Variants in RAD17 observed in about 807,000 individuals in gnomAD.
The protein encoded by RAD17 is cell cycle checkpoint protein RAD17.
A neutral mutation model predicts 81.5 loss-of-function variants in RAD17; 31 were observed. That is an observed-to-expected ratio of 0.38 (90% CI 0.29 to 0.51). The LOEUF (loss-of-function observed/expected upper bound fraction) is 0.51. Among genes scored for constraint, RAD17 ranks in the 20% least tolerant of loss-of-function variants. RAD17 has a pLI of 0.88. For synonymous variants in RAD17, 261 were observed against 266.2 expected (o/e 0.98, Z 0.19); for missense variants, 681 against 781.2 (o/e 0.87, Z 1.53).
chr5:69,385,949 A>G, intron 8 of RAD17, 94 bp from the exon 9 acceptor site: 1 of 1,190,694 alleles, frequency 8.4e-7, no homozygotes, highest in Non-Finnish European at 1.1e-6. Context: ...ACATTGAATA[A>G]ATATATTTTT....
chr5:69,386,234 C>T lies in RAD17; in HGVS notation c.753C>T (p.Leu251=). ...CPLIFIISDS[L]SGDNNQRLLF... ...TTATATTTATAATCTCGGACAGTCTCAGTGGAGATAATAATCAAAGGTTAT... is the reference window on the plus strand; with the variant it reads ...TTATATTTATAATCTCGGACAGTCTTAGTGGAGATAATAATCAAAGGTTAT... Residue 251 remains leucine, a synonymous_variant, in exon 10 of 19, where the codon CTC becomes CTT. Coordinates refer to ENST00000354868, the MANE Select transcript of RAD17 (RefSeq NM_133338.3). 1 of 1,608,306 alleles carries T rather than the reference C, an allele frequency of 6.2e-7. No homozygotes were observed. The highest frequency in any genetic ancestry group is 8.5e-7 in the Non-Finnish European group (1 of 1,176,416).
intron 1 of RAD17, among the ~76,000 whole-genome samples, chr5:69,370,500 C>T (rs559972795): frequency 2.6e-5 from 4 of 152,160 alleles, no homozygotes; most frequent in East Asian, 1.9e-4. Flanking sequence ...CCACCACGCC[C>T]GGCTAATTTT....
At chr5:69,390,532 A>G (rs112218941) in intron 12 of RAD17, among the ~76,000 whole-genome samples, 91 of 152,224 alleles carry the variant, frequency 6.0e-4, no homozygotes, top group African/African-American at 2.1e-3. Flanking sequence ...TAAATTGGAT[A>G]CTCTCAACAT....
intron 16 of RAD17, among the ~76,000 whole-genome samples, chr5:69,398,699 A>G (rs1238023477): frequency 1.3e-5 from 2 of 151,536 alleles, no homozygotes; most frequent in East Asian, 3.9e-4. Context: ...CCAGCTACTC[A>G]GGAGGCCGAA....
At chr5:69,403,432 G>T (rs749124172) in intron 17 of RAD17, among the ~76,000 whole-genome samples, 1 of 152,166 alleles carries the variant, frequency 6.6e-6, no homozygotes, top group Non-Finnish European at 1.5e-5. Context: ...GGAGAGGAAA[G>T]ATATCTGGAT....
At chr5:69,372,545 T>TA (rs1307255739) in intron 4 of RAD17, among the ~76,000 whole-genome samples, 1 of 152,178 alleles carries the variant, frequency 6.6e-6, no homozygotes, top group East Asian at 1.9e-4. Context: ...ATTAGAGTGT[T>TA]AAAAAATCTA....
At chr5:69,405,775 C>G (rs1157977059) in intron 17 of RAD17, among the ~76,000 whole-genome samples, 1 of 152,070 alleles carries the variant, frequency 6.6e-6, no homozygotes, top group African/African-American at 2.4e-5. Flanking sequence ...GGTGCAGTGG[C>G]TCATGCCTGT....
At chr5:69,385,023 G>C in intron 8 of RAD17, 90 bp downstream of exon 8, 2 of 1,128,484 alleles carry the variant, frequency 1.8e-6, no homozygotes, top group South Asian at 3.4e-5. Flanking sequence ...GCAGTGGCGC[G>C]ATCTCAGCTC....
chr5:69,409,219 G>A (rs1393796290), intron 17 of RAD17, among the ~76,000 whole-genome samples: 2 of 152,130 alleles, frequency 1.3e-5, no homozygotes, highest in African/African-American at 4.8e-5. Flanking sequence ...GCCTCTCCCA[G>A]TGTGGACCCT....
chr5:69,392,173 T>A (rs1328573043), intron 13 of RAD17, among the ~76,000 whole-genome samples, 160 bp downstream of exon 13: 1 of 152,220 alleles, frequency 6.6e-6, no homozygotes, highest in African/African-American at 2.4e-5. Context: ...TAGTAGGAAA[T>A]CAGAATATTT....
intron 7 of RAD17, among the ~76,000 whole-genome samples, chr5:69,383,387 T>C (rs1179701679): frequency 6.6e-6 from 1 of 151,242 alleles, no homozygotes; most frequent in Non-Finnish European, 1.5e-5. Context: ...ATTACTATTA[T>C]TATTATTTTT....
At chr5:69,383,452 C>T (rs965776356) in intron 7 of RAD17, among the ~76,000 whole-genome samples, 1 of 151,600 alleles carries the variant, frequency 6.6e-6, no homozygotes, top group East Asian at 1.9e-4. Flanking sequence ...TGGTTTGTCT[C>T]ACTGCAAGCT....
chr5:69,392,934 A>G, intron 13 of RAD17: 1 of 512,760 alleles, frequency 2.0e-6, no homozygotes, highest in Non-Finnish European at 3.5e-6. Context: ...TTTTAAGTCT[A>G]GAGAAGCCAT....
intron 4 of RAD17, among the ~76,000 whole-genome samples, chr5:69,372,474 T>G (rs1763067054): frequency 6.6e-6 from 1 of 152,216 alleles, no homozygotes; most frequent in African/African-American, 2.4e-5. Flanking sequence ...GGTTTCTTTT[T>G]GTTAGCCAGG....
upstream of RAD17, chr5:69,369,516 G>A (rs1384041118): frequency 3.7e-6 from 6 of 1,611,048 alleles, no homozygotes; most frequent in Non-Finnish European, 5.1e-6. Context: ...GGCTTCGGGC[G>A]CCTCGCTCAC....
intron 7 of RAD17, among the ~76,000 whole-genome samples, chr5:69,384,438 G>A (rs1764047732): frequency 6.6e-6 from 1 of 152,130 alleles, no homozygotes; most frequent in Non-Finnish European, 1.5e-5. Flanking sequence ...CCTCAGCCCT[G>A]CAAGTAGCCA....
At chr5:69,406,835 G>A (rs1014201966) in intron 17 of RAD17, among the ~76,000 whole-genome samples, 2 of 151,714 alleles carry the variant, frequency 1.3e-5, no homozygotes, top group Non-Finnish European at 2.9e-5. Flanking sequence ...AAAATGCTGA[G>A]AGTGAATGTA....
At chr5:69,385,417 C>T (rs558455054) in intron 8 of RAD17, among the ~76,000 whole-genome samples, 24 of 151,822 alleles carry the variant, frequency 1.6e-4, no homozygotes, top group African/African-American at 5.8e-4. Context: ...ATTACAGGAA[C>T]CTGCCACCAT....
At position 69,371,476 on chromosome 5, in the gene RAD17, G is replaced by A. The variant is rs1403283172; in HGVS notation, c.-257G>A. 9.2e-7 allele frequency: 1 copy of A among 1,081,270 alleles called. No homozygotes were observed. The highest frequency in any genetic ancestry group is 2.0e-5 in the South Asian group (1 of 49,870). 67.0% of individuals were successfully genotyped at this position (1,081,270 alleles called of 1,614,324 possible). On this transcript the variant is annotated 5_prime_UTR_variant, in exon 3 of 19. Coordinates refer to ENST00000354868, the MANE Select transcript of RAD17 (RefSeq NM_133338.3). Reference sequence around the variant, plus strand: ...CAGGTGAATTATAGTTTAATGTACTGCAAGTCCTAAACTACGGATGGGAAC... The same window carrying A: ...CAGGTGAATTATAGTTTAATGTACTACAAGTCCTAAACTACGGATGGGAAC...
Sources: allele counts gnomAD v4.1 joint callset (sites outside exome capture counted in the v4.1 genomes callset), GRCh38; gene constraint gnomAD v4.1.1; transcripts MANE v1.5; gene names NCBI Gene and HGNC (gene_info 2026-07-23, HGNC 2026-07-21).